The following CFAP61 variants were observed in gnomAD, a reference collection of about 807,000 sequenced individuals.
The protein encoded by CFAP61 is cilia- and flagella-associated protein 61.
CFAP61 carries 107 observed loss-of-function variants against 135.6 expected under a neutral mutation model. The observed-to-expected ratio is 0.79, with a 90% confidence interval of 0.67 to 0.93. The LOEUF (loss-of-function observed/expected upper bound fraction) is 0.93. CFAP61 is among the 40% of genes least tolerant of loss of function. The pLI, the probability that CFAP61 is intolerant of heterozygous loss-of-function variation, is 0.00. For missense variants in CFAP61, 1,507 were observed against 1,556.2 expected (o/e 0.97, Z 0.53); for synonymous variants, 575 against 578.5 (o/e 0.99, Z 0.09).
intron 8 of CFAP61, among the ~76,000 whole-genome samples, chr20:20,111,879 C>A (rs1005040759): frequency 1.3e-5 from 2 of 152,032 alleles, no homozygotes; most frequent in African/African-American, 4.8e-5. Context: ...TCTGCTTGAT[C>A]TAAGGTTAGT....
At chr20:20,129,060 T>G (rs2050300729) in intron 8 of CFAP61, among the ~76,000 whole-genome samples, 1 of 151,650 alleles carries the variant, frequency 6.6e-6, no homozygotes, top group South Asian at 2.1e-4. Flanking sequence ...CAGATTTTTC[T>G]TTTGGACTTC....
chr20:20,303,565 G>C (rs1282032927), intron 25 of CFAP61, among the ~76,000 whole-genome samples: 3 of 152,102 alleles, frequency 2.0e-5, no homozygotes, highest in Non-Finnish European at 2.9e-5. Context: ...ACGAAATGCT[G>C]CCAGGTCCTA....
intron 18 of CFAP61, among the ~76,000 whole-genome samples, chr20:20,234,727 C>G (rs1052008094): frequency 6.6e-6 from 1 of 151,980 alleles, no homozygotes; most frequent in Non-Finnish European, 1.5e-5. Context: ...AATCTGAAAC[C>G]TGGGGGTAGG....
intron 1 of CFAP61, chr20:20,052,827 G>A: frequency 1.8e-6 from 2 of 1,107,978 alleles, no homozygotes; most frequent in Non-Finnish European, 2.6e-6. Context: ...GCGAGCTGCC[G>A]CCCTTTTAGG....
intron 1 of CFAP61, chr20:20,056,135 C>T (rs77620435): frequency 1.8e-4 from 124 of 693,618 alleles, no homozygotes; most frequent in African/African-American, 1.8e-3. Context: ...AAGCCTATTG[C>T]GAGCATTTCC....
intron 22 of CFAP61, among the ~76,000 whole-genome samples, chr20:20,286,144 G>T (rs2147059279): frequency 6.6e-6 from 1 of 152,168 alleles, no homozygotes; most frequent in African/African-American, 2.4e-5. Context: ...TTATATCAGA[G>T]TTTATAGTTA....
At chr20:20,091,112 AG>A in intron 7 of CFAP61, 136 bp downstream of exon 7, 6 of 975,044 alleles carry the variant, frequency 6.2e-6, no homozygotes, top group Non-Finnish European at 9.5e-6. Context: ...CTGCCCTTCC[AG>A]GTGGTGCACC....
In CFAP61 at chr20:20,302,476, A is replaced by G. The variant is rs1040353924; in HGVS notation, c.3422+4090A>G. Among the ~76,000 whole-genome samples the G allele has an allele frequency of 3.9e-5, 6 of 152,264 alleles. 1 individual carries two copies. The highest frequency in any genetic ancestry group is 2.6e-4 in the Admixed American group (4 of 15,286). ...TGGGAGTTCAGGACCAGCCTGGCCA[A>G]CATGGGGAAAACGCATCTCTACTAA... On this transcript the variant is annotated intron_variant, in intron 25 of 26. Transcript: ENST00000245957.
chr20:20,052,741 G>C (rs767330394), intron 1 of CFAP61, 150 bp downstream of exon 1: 8 of 1,581,088 alleles, frequency 5.1e-6, no homozygotes, highest in Non-Finnish European at 8.6e-7. Flanking sequence ...GAGTAAGAAC[G>C]GAGCTCCAAT....
chr20:20,314,791 G>T (rs1347600049), intron 25 of CFAP61, among the ~76,000 whole-genome samples: 2 of 134,284 alleles, frequency 1.5e-5, no homozygotes, highest in African/African-American at 3.0e-5. Context: ...GCGGTGTTTG[G>T]TTTTTTGTTC....
chr20:20,272,037 G>A (rs1417359875), intron 21 of CFAP61, among the ~76,000 whole-genome samples: 1 of 152,072 alleles, frequency 6.6e-6, no homozygotes, highest in Non-Finnish European at 1.5e-5. Context: ...ACAATGGTAG[G>A]TATACATGAA....
rs535484065 is a variant in CFAP61, at chr20:20,289,027, G to C, written c.3124+91G>C. The C allele has an allele frequency of 3.9e-5, 39 of 1,010,370 alleles. No individual in the cohort carries two copies. In the South Asian group the frequency reaches 5.0e-4, roughly 13 times the overall value. The allele number at this position is 1,010,370 out of a possible 1,614,324, so 62.6% of individuals were successfully genotyped here. ...AGTCCTCCAGGTTTCTCTTAGGCTT[G>C]GGGAAAAGGCTCCTCCGTACCTCAA... On this transcript the variant is annotated intron_variant, in intron 23 of 26. Coordinates refer to ENST00000245957, the MANE Select transcript of CFAP61 (RefSeq NM_015585.4).
intron 2 of CFAP61, among the ~76,000 whole-genome samples, chr20:20,062,476 C>T (rs779558629): frequency 2.0e-5 from 3 of 151,838 alleles, no homozygotes; most frequent in Non-Finnish European, 2.9e-5. Flanking sequence ...CAAGAACAGT[C>T]GAATCAACTC....
chr20:20,258,787 G>A (rs936835770), intron 20 of CFAP61, among the ~76,000 whole-genome samples: 2 of 152,190 alleles, frequency 1.3e-5, no homozygotes, highest in African/African-American at 2.4e-5. Flanking sequence ...TGTTTACCGC[G>A]AGACAGACAC....
At chr20:20,355,143 T>TAAGGGGAGGGGGTCACAC (rs2059038933) in intron 26 of CFAP61, among the ~76,000 whole-genome samples, 4 of 65,814 alleles carry the variant, frequency 6.1e-5, no homozygotes, top group Admixed American at 1.9e-4. Context: ...GGTGGTCACA[T>TAAGGGGAGGGGGTCACAC]TGTGAGAGGG....
intron 20 of CFAP61, among the ~76,000 whole-genome samples, chr20:20,252,043 C>CT (rs2050960412): frequency 1.3e-5 from 2 of 152,230 alleles, no homozygotes; most frequent in Admixed American, 6.5e-5. Context: ...GTCCAAAAGT[C>CT]TAACACATAC....
chr20:20,084,391 G>A (rs2046646150), intron 6 of CFAP61, among the ~76,000 whole-genome samples: 1 of 150,230 alleles, frequency 6.7e-6, no homozygotes, highest in Non-Finnish European at 1.5e-5. Flanking sequence ...GATTCTGGAT[G>A]CGGAGGTGGC....
chr20:20,083,763 G>C (rs1274668561), intron 6 of CFAP61, among the ~76,000 whole-genome samples: 4 of 152,162 alleles, frequency 2.6e-5, no homozygotes, highest in African/African-American at 4.8e-5. Context: ...TGACCACCAA[G>C]TCTATGGTGG....
At chr20:20,132,536 A>C (rs1047490215) in intron 8 of CFAP61, among the ~76,000 whole-genome samples, 1 of 152,080 alleles carries the variant, frequency 6.6e-6, no homozygotes, top group African/African-American at 2.4e-5. Context: ...ATATTTGCTA[A>C]TAATGTCATA....
Sources: allele counts gnomAD v4.1 joint callset (sites outside exome capture counted in the v4.1 genomes callset), GRCh38; gene constraint gnomAD v4.1.1; transcripts MANE v1.5; gene names NCBI Gene and HGNC (gene_info 2026-07-23, HGNC 2026-07-21).